ANXA3: variants seen among roughly 807,000 people sequenced by gnomAD.
The protein encoded by ANXA3 is 35-alpha calcimedin.
A neutral mutation model predicts 48.8 loss-of-function variants in ANXA3; 46 were observed. That is an observed-to-expected ratio of 0.94 (90% confidence interval 0.74 to 1.21). ANXA3 has a LOEUF of 1.21. ANXA3 is among the 50% of genes most tolerant of loss of function. The pLI is 0.00. For missense variants in ANXA3, 383 were observed against 378.6 expected (o/e 1.01, Z -0.10); for synonymous variants, 128 against 134.7 (o/e 0.95, Z 0.35).
intron 2 of ANXA3, among the ~76,000 whole-genome samples, chr4:78,557,771 A>G (rs1411388405): frequency 1.3e-5 from 2 of 151,518 alleles, no homozygotes; most frequent in Non-Finnish European, 2.9e-5. Flanking sequence ...GAGAGCAAAC[A>G]TTAGGAACAA....
intron 12 of ANXA3, 105 bp from the exon 13 acceptor site, chr4:78,609,951 G>T (rs555173605): frequency 7.1e-6 from 5 of 705,066 alleles, no homozygotes; most frequent in Non-Finnish European, 1.2e-5. Context: ...TATAGCTCAT[G>T]AGTCTCACAC....
In ANXA3 at chr4:78,591,536, G is replaced by A. The variant is rs747990484; in HGVS notation, c.404-8G>A. On this transcript the variant is annotated splice_polypyrimidine_tract_variant and splice_region_variant and intron_variant, in intron 6 of 12. Transcript: ENST00000264908. ...TCAAGGCTTAATTTCATTCTGATTT[G>A]GTTTCAGTATACAAGAAGAGTCTTG... is the stretch of plus-strand genomic sequence containing the variant. 1 of 1,591,060 alleles carries A rather than the reference G, an allele frequency of 6.3e-7. No individual in the cohort carries two copies. Among genetic ancestry groups the A allele is most frequent in the South Asian group, 1.1e-5 (1 of 88,922 alleles).
chr4:78,575,596 G>A (rs1722932330), intron 3 of ANXA3, among the ~76,000 whole-genome samples: 1 of 152,162 alleles, frequency 6.6e-6, no homozygotes, highest in East Asian at 1.9e-4. Flanking sequence ...GGCTTCCCCA[G>A]CCACATGGAA....
intron 3 of ANXA3, among the ~76,000 whole-genome samples, chr4:78,578,015 A>AC (rs1578396258): frequency 6.6e-6 from 1 of 151,834 alleles, no homozygotes; most frequent in African/African-American, 2.4e-5. Context: ...ACGGTGGCTT[A>AC]CCCCTGAAAT....
chr4:78,579,093 T>G lies in ANXA3; in HGVS notation c.170T>G (p.Val57Gly). Residue 57 changes from valine to glycine, a missense_variant, in exon 4 of 13, where the codon GTT becomes GGT. Val to Gly is a moderately radical substitution (Grantham distance 109). Transcript: ENST00000264908. ...TCAAATGCACAGCGGCAGCTGATTG[T>G]TAAGGAATATCAAGCAGCATATGGA... The part of the protein sequence containing the change: ...ERSNAQRQLI[V>G]KEYQAAYGKE... 6.2e-7 allele frequency: 1 copy of G among 1,610,804 alleles called. No individual in the cohort carries two copies.
chr4:78,585,005 C>T (rs1459763043), intron 5 of ANXA3, among the ~76,000 whole-genome samples: 1 of 152,176 alleles, frequency 6.6e-6, no homozygotes, highest in East Asian at 1.9e-4. Flanking sequence ...GTGTTGGGCG[C>T]AAGTCCAGTA....
intron 7 of ANXA3, among the ~76,000 whole-genome samples, chr4:78,593,920 G>T (rs962072063): frequency 2.0e-4 from 30 of 148,018 alleles, no homozygotes; most frequent in African/African-American, 6.7e-4. Flanking sequence ...ATTAACTGAA[G>T]TTTATAGTTT....
intron 11 of ANXA3, 64 bp downstream of exon 11, chr4:78,601,632 T>C (rs899018105): frequency 6.9e-6 from 9 of 1,298,514 alleles, no homozygotes; most frequent in South Asian, 1.3e-5. Context: ...AGTATGCAAA[T>C]AGTAGAACAA....
chr4:78,555,942 TA>T (rs879358970), intron 2 of ANXA3, among the ~76,000 whole-genome samples: 195 of 145,574 alleles, frequency 1.3e-3, no homozygotes, highest in Admixed American at 2.3e-3. Context: ...TGGTGAAGGT[TA>T]AAAAAAAAAA....
intron 12 of ANXA3, among the ~76,000 whole-genome samples, chr4:78,608,359 G>A (rs1723694602): frequency 6.6e-6 from 1 of 152,160 alleles, no homozygotes; most frequent in Non-Finnish European, 1.5e-5. Flanking sequence ...ATGACAAATG[G>A]AAAGGCCTCA....
intron 6 of ANXA3, 112 bp downstream of exon 6, chr4:78,586,462 A>G: frequency 2.8e-6 from 2 of 719,750 alleles, no homozygotes; most frequent in Middle Eastern, 2.4e-4. Context: ...GACAAGACTT[A>G]CAGAAACGAG....
At chr4:78,553,686 G>A (rs1035487192) in intron 1 of ANXA3, among the ~76,000 whole-genome samples, 1 of 152,164 alleles carries the variant, frequency 6.6e-6, no homozygotes, top group African/African-American at 2.4e-5. Context: ...AAAAACCAAG[G>A]TGAAATATTT....
At chr4:78,595,288 G>C (rs1214917389) in intron 7 of ANXA3, 93 bp from the exon 8 acceptor site, 1 of 1,414,696 alleles carries the variant, frequency 7.1e-7, no homozygotes, top group African/African-American at 1.4e-5. Flanking sequence ...CTGCCTTAAA[G>C]AAAAACCACT....
chr4:78,592,523 A>G (rs759530139), intron 7 of ANXA3, among the ~76,000 whole-genome samples: 11 of 152,210 alleles, frequency 7.2e-5, no homozygotes, highest in Non-Finnish European at 1.3e-4. Flanking sequence ...TCAGAGGTAT[A>G]TATTCCTAAG....
chr4:78,582,572 C>T (rs1291875310), intron 5 of ANXA3, among the ~76,000 whole-genome samples: 3 of 152,182 alleles, frequency 2.0e-5, no homozygotes, highest in Non-Finnish European at 4.4e-5. Context: ...AACCCCAACA[C>T]TCAAGCTAAA....
intron 11 of ANXA3, 57 bp downstream of exon 11, chr4:78,601,625 A>C (rs1723545125): frequency 1.5e-6 from 2 of 1,379,170 alleles, no homozygotes; most frequent in Non-Finnish European, 2.1e-6. Flanking sequence ...TTGGGAAAGT[A>C]TGCAAATAGT....
Position 78,610,097 on chromosome 4 carries a change from C to G in ANXA3, c.954C>G (p.Ile318Met). ...SGDYEITLLK[I>M]CGGDD ...ACTATGAAATCACACTCTTAAAAAT[C>G]TGTGGTGGAGATGACTGAACCAAGA... The change falls in exon 13 of 13, where the codon ATC becomes ATG. Residue 318 changes from isoleucine to methionine, a missense_variant. By Grantham distance (10) the Ile-to-Met change is conservative. Transcript: ENST00000264908. 1 of 1,610,802 alleles carries G rather than the reference C, an allele frequency of 6.2e-7. No individual in the cohort carries two copies. The highest frequency in any genetic ancestry group is 2.2e-5 in the East Asian group (1 of 44,790).
chr4:78,575,623 A>G (rs772739924), intron 3 of ANXA3, among the ~76,000 whole-genome samples: 5 of 152,208 alleles, frequency 3.3e-5, no homozygotes, highest in Non-Finnish European at 7.3e-5. Flanking sequence ...GTTCTCCATT[A>G]AAGAGTTCCT....
In ANXA3 at chr4:78,577,451, C is replaced by T. The variant is rs991228530; in HGVS notation, c.104-1576C>T. ...CAGATACTTGTGCAGTTGTGGTGGC[C>T]GGTAGTGTACTGACACAGATGCTGG... is the stretch of plus-strand genomic sequence containing the variant. On this transcript the variant is annotated intron_variant, in intron 3 of 12. Coordinates refer to ENST00000264908, the MANE Select transcript of ANXA3 (RefSeq NM_005139.3). 2.0e-5 allele frequency among the ~76,000 whole-genome samples: 3 copies of T among 152,084 alleles called. No individual in the cohort carries two copies. The East Asian group carries it at 5.8e-4, about 29-fold the overall frequency.
Sources: gnomAD v4.1 joint callset for allele counts (sites outside exome capture counted in the v4.1 genomes callset) on GRCh38, gnomAD v4.1.1 for gene constraint, MANE v1.5 for transcripts, NCBI Gene and HGNC (gene_info 2026-07-23, HGNC 2026-07-21) for gene names.